ANO5: variants seen among roughly 807,000 people sequenced by gnomAD.
ANO5 encodes the protein anoctamin 5, also known as anoctamin-5.
ANO5 carries 109 observed loss-of-function variants against 121.0 expected under a neutral mutation model. The ratio of observed to expected loss-of-function variants is 0.90; its 90% CI spans 0.77 to 1.06. The LOEUF is 1.06. Ranked by LOEUF, ANO5 falls within the 50% of genes least tolerant of loss-of-function variation. ANO5 has a pLI of 0.00. For synonymous variants in ANO5, 406 were observed against 359.9 expected (o/e 1.13, Z -1.45); for missense variants, 1,064 against 1,078.5 (o/e 0.99, Z 0.19).
At chr11:22,262,418 C>T (rs997487531) in intron 16 of ANO5, 120 bp downstream of exon 16, 2 of 1,022,846 alleles carry the variant, frequency 2.0e-6, no homozygotes, top group Non-Finnish European at 2.9e-6. Context: ...GGCACTGACT[C>T]TATCCACAGA....
intron 8 of ANO5, among the ~76,000 whole-genome samples, chr11:22,237,530 A>C (rs891361228): frequency 1.3e-5 from 2 of 152,122 alleles, no homozygotes; most frequent in Non-Finnish European, 2.9e-5. Context: ...AGCTGGGATT[A>C]CAGGCACACA....
chr11:22,264,285 A>G (rs1490935526), intron 17 of ANO5, among the ~76,000 whole-genome samples: 1 of 151,980 alleles, frequency 6.6e-6, no homozygotes, highest in Non-Finnish European at 1.5e-5. Context: ...TCAGCCTCCC[A>G]AAGTGCTGGG....
chr11:22,274,728 C>G lies in ANO5; in HGVS notation c.2395C>G (p.Arg799Gly), dbSNP rs762874007. The stretch of plus-strand genomic sequence containing the variant: ...AAACCACACTGCACCTTCGGAAAAA[C>G]GAGACTTCATCACTTGCAGGTGATT... ...FPNHTAPSEK[R>G]DFITCRYRDY... The change falls in exon 20 of 22, where the codon CGA becomes GGA. Residue 799 changes from arginine (R) to glycine (G), a missense_variant. Coordinates refer to ENST00000324559, the MANE Select transcript of ANO5 (RefSeq NM_213599.3). The G allele has an allele frequency of 1.4e-5, 22 of 1,613,364 alleles. No homozygotes were observed. The South Asian group carries it at 2.4e-4, about 18-fold the overall frequency.
chr11:22,229,862 G>A (rs1313435112), intron 7 of ANO5, among the ~76,000 whole-genome samples: 1 of 151,920 alleles, frequency 6.6e-6, no homozygotes, highest in African/African-American at 2.4e-5. Flanking sequence ...GGAGGTTAAT[G>A]TAGACAAAGT....
Position 22,269,670 on chromosome 11 carries a change from C to T in ANO5, c.1899-642C>T, listed in dbSNP as rs187489794. Among the ~76,000 whole-genome samples, 393 of 151,832 alleles carry T rather than the reference C, an allele frequency of 2.6e-3. 3 individuals are homozygous for T. Among genetic ancestry groups the T allele is most frequent in the African/African-American group, 9.1e-3 (376 of 41,400 alleles). On this transcript the variant is annotated intron_variant, in intron 17 of 21. Transcript: ENST00000324559. ...TTTTTTTCTATTTCTACTTTTCTTTCCTAAGTAGGTTTTAATAGGTCCTTA... is the reference window on the plus strand; with the variant it reads ...TTTTTTTCTATTTCTACTTTTCTTTTCTAAGTAGGTTTTAATAGGTCCTTA...
Position 22,193,443 on chromosome 11 carries a change from C to G in ANO5, c.-50C>G, listed in dbSNP as rs202055410. ...AGATCTCCACGTCTGTCTCAGCTGC[C>G]CCTCTCCTGCTGCCTCTCAGGCACC... On this transcript the variant is annotated 5_prime_UTR_variant, in exon 1 of 22. Coordinates refer to ENST00000324559, the MANE Select transcript of ANO5 (RefSeq NM_213599.3). The G allele has an allele frequency of 6.3e-7, 1 of 1,590,216 alleles. No individual in the cohort carries two copies. Among genetic ancestry groups the G allele is most frequent in the Non-Finnish European group, 8.6e-7 (1 of 1,169,102 alleles).
chr11:22,224,141 C>T (rs187381742), intron 5 of ANO5, among the ~76,000 whole-genome samples: 190 of 152,084 alleles, frequency 1.2e-3, no homozygotes, highest in Non-Finnish European at 1.9e-3. Context: ...TCCTAAATCA[C>T]TTATTATTAA....
chr11:22,214,361 G>T (rs1852374563), intron 3 of ANO5, among the ~76,000 whole-genome samples: 1 of 151,802 alleles, frequency 6.6e-6, no homozygotes, highest in Non-Finnish European at 1.5e-5. Context: ...ACCCAGGGAA[G>T]TTTGGTTTTT....
Position 22,274,613 on chromosome 11 carries a change from T to G in ANO5, c.2280T>G (p.Val760=). ...AFTSDIIPRL[V]YYYAYSTNAT... ...CGTCAGACATCATTCCCCGTCTAGT[T>G]TACTACTATGCTTACTCAACAAATG... The change falls in exon 20 of 22, where the codon GTT becomes GTG. Residue 760 remains valine, a synonymous_variant. Transcript: ENST00000324559. 1 of 1,612,050 alleles carries G rather than the reference T, an allele frequency of 6.2e-7. No individual in the cohort carries two copies. The highest frequency in any genetic ancestry group is 1.3e-5 in the African/African-American group (1 of 74,994).
intron 5 of ANO5, among the ~76,000 whole-genome samples, chr11:22,222,022 C>T (rs902409809): frequency 2.0e-5 from 3 of 152,012 alleles, no homozygotes; most frequent in East Asian, 3.9e-4. Context: ...ATCTCTTCTC[C>T]GAACATTCCC....
intron 8 of ANO5, among the ~76,000 whole-genome samples, chr11:22,237,353 T>A (rs1278920419): frequency 6.6e-6 from 1 of 152,082 alleles, no homozygotes; most frequent in African/African-American, 2.4e-5. Context: ...CTTAGTCTGT[T>A]GTGCTAGTTT....
At chr11:22,235,665 A>C (rs993165097) in intron 7 of ANO5, among the ~76,000 whole-genome samples, 2 of 152,230 alleles carry the variant, frequency 1.3e-5, no homozygotes, top group African/African-American at 4.8e-5. Context: ...AACTGATAGA[A>C]ATATTCAAGT....
chr11:22,267,524 A>ATATATATATATATATATATAT (rs141657651), intron 17 of ANO5, among the ~76,000 whole-genome samples: 3 of 144,592 alleles, frequency 2.1e-5, no homozygotes, highest in African/African-American at 8.5e-5. Context: ...ATATATATAT[A>ATATATATATATATATATATAT]AAATCTATCT....
chr11:22,193,251 G>A lies in ANO5; in HGVS notation c.-242G>A. 1 of 1,139,424 alleles carries A rather than the reference G, an allele frequency of 8.8e-7. No homozygotes were observed. The highest frequency in any genetic ancestry group is 2.7e-5 in the South Asian group (1 of 37,082). 70.6% of individuals were successfully genotyped at this position (1,139,424 alleles called of 1,614,324 possible). ...CGCGCGAAGCAGGTTGTGGGGGACC[G>A]GGTCGAGTGGAAGTACCCGCCGGAG... On this transcript the variant is annotated 5_prime_UTR_variant, in exon 1 of 22. Coordinates refer to ENST00000324559, the MANE Select transcript of ANO5 (RefSeq NM_213599.3).
At chr11:22,252,810 T>C (rs200531840) in intron 12 of ANO5, among the ~76,000 whole-genome samples, 1 of 151,878 alleles carries the variant, frequency 6.6e-6, no homozygotes, top group Non-Finnish European at 1.5e-5. Flanking sequence ...TTTCATTTTA[T>C]TTATACTTTA....
At chr11:22,239,714 TAAAACTTGATA>T in intron 9 of ANO5, 30 bp downstream of exon 9, 1 of 1,481,310 alleles carries the variant, frequency 6.8e-7, no homozygotes. Context: ...TCAGACCAAT[TAAAACTTGATA>T]ATGTGATTTT....
intron 1 of ANO5, among the ~76,000 whole-genome samples, chr11:22,200,566 T>A (rs1168149682): frequency 6.6e-6 from 1 of 152,142 alleles, no homozygotes; most frequent in African/African-American, 2.4e-5. Context: ...TACATTTTTG[T>A]TTCTTTTTGT....
chr11:22,262,083 G>GA (rs1201443118), intron 15 of ANO5, 46 bp from the exon 16 acceptor site: 8 of 1,596,710 alleles, frequency 5.0e-6, no homozygotes, highest in Non-Finnish European at 6.9e-6. Flanking sequence ...GAAGTTCAAG[G>GA]AAAAAAATAA....
chr11:22,193,568 G>C (rs750481532), intron 1 of ANO5, 36 bp downstream of exon 1: 23 of 1,605,866 alleles, frequency 1.4e-5, no homozygotes, highest in Non-Finnish European at 2.0e-5. Context: ...GGGAGAGCCA[G>C]GCTGGCTGCC....
Sources: allele counts gnomAD v4.1 joint callset (sites outside exome capture counted in the v4.1 genomes callset), GRCh38; gene constraint gnomAD v4.1.1; transcripts MANE v1.5; gene names NCBI Gene and HGNC (gene_info 2026-07-23, HGNC 2026-07-21).